Variants in TSPAN3 observed in about 807,000 individuals in gnomAD.
The protein encoded by TSPAN3 is tetraspanin-3.
In TSPAN3, 9 loss-of-function variants were observed where a neutral mutation model predicts 31.1. That is an observed-to-expected ratio of 0.29 (90% CI 0.17 to 0.50). The LOEUF is 0.50. Among genes scored for constraint, TSPAN3 ranks in the 20% least tolerant of loss-of-function variants. The pLI is 0.98. For synonymous variants in TSPAN3, 129 were observed against 114.3 expected, an observed-to-expected ratio of 1.13 and a Z score of -0.82; for missense variants, 252 against 313.5, an observed-to-expected ratio of 0.80 and a Z score of 1.48.
chr15:77,055,747 C>T (rs767020436), intron 3 of TSPAN3, 42 bp downstream of exon 3: 1 of 1,492,354 alleles, frequency 6.7e-7, no homozygotes, highest in African/African-American at 1.4e-5. Flanking sequence ...AACACTTAAA[C>T]CACCTTTTAA....
intron 6 of TSPAN3, among the ~76,000 whole-genome samples, chr15:77,049,978 C>G (rs2076719402): frequency 6.6e-6 from 1 of 152,138 alleles, no homozygotes; most frequent in Non-Finnish European, 1.5e-5. Context: ...CTAGAGTTGA[C>G]ACTCTGTGTG....
chr15:77,063,994 T>G (rs545918374), intron 1 of TSPAN3: 40 of 152,334 alleles, frequency 2.6e-4, no homozygotes, highest in African/African-American at 9.6e-4. Flanking sequence ...CTAGAGTTCA[T>G]CCACACTTGG....
chr15:77,067,335 T>C (rs937254380), intron 1 of TSPAN3, among the ~76,000 whole-genome samples: 1 of 152,234 alleles, frequency 6.6e-6, no homozygotes, highest in Admixed American at 6.5e-5. Context: ...GTAACGATTT[T>C]AGCTGTCAGA....
At chr15:77,060,039 G>A (rs930896175) in intron 1 of TSPAN3, among the ~76,000 whole-genome samples, 1 of 152,232 alleles carries the variant, frequency 6.6e-6, no homozygotes, top group African/African-American at 2.4e-5. Context: ...ATGGAGGGCT[G>A]TGGGGAGATG....
chr15:77,052,280 T>C (rs1169216866), intron 6 of TSPAN3, 105 bp downstream of exon 6: 2 of 963,990 alleles, frequency 2.1e-6, no homozygotes, highest in Non-Finnish European at 3.3e-6. Flanking sequence ...ACTTCCACAT[T>C]ACCTACATAC....
chr15:77,050,056 G>A (rs1017084256), intron 6 of TSPAN3, among the ~76,000 whole-genome samples: 12 of 152,204 alleles, frequency 7.9e-5, no homozygotes, highest in Admixed American at 6.5e-4. Context: ...CAAGACTGGA[G>A]ACTCTCCAAC....
At chr15:77,062,430 G>T (rs1426719281) in intron 1 of TSPAN3, among the ~76,000 whole-genome samples, 1 of 152,086 alleles carries the variant, frequency 6.6e-6, no homozygotes, top group Non-Finnish European at 1.5e-5. Flanking sequence ...AGGAAAAAAG[G>T]CCATTCCAAA....
At chr15:77,066,385 T>C (rs2076833023) in intron 1 of TSPAN3, among the ~76,000 whole-genome samples, 1 of 151,676 alleles carries the variant, frequency 6.6e-6, no homozygotes, top group South Asian at 2.1e-4. Context: ...GCCTGGCCAA[T>C]ATGGTGAAAC....
At chr15:77,056,030 A>G in intron 2 of TSPAN3, 34 bp downstream of exon 2, 1 of 1,573,292 alleles carries the variant, frequency 6.4e-7, no homozygotes, top group Non-Finnish European at 8.6e-7. Flanking sequence ...AGCATAGACT[A>G]AATACTCCTG....
At chr15:77,048,155 ATTAT>A (rs1331009585) in intron 6 of TSPAN3, among the ~76,000 whole-genome samples, 7 of 152,242 alleles carry the variant, frequency 4.6e-5, no homozygotes, top group Non-Finnish European at 8.8e-5. Flanking sequence ...AGAGGTGAAT[ATTAT>A]TTAAAGTTTA....
chr15:77,066,571 C>CAAAAAAAAAAAAAAAAAAAA (rs35737479), intron 1 of TSPAN3, among the ~76,000 whole-genome samples: 2 of 59,354 alleles, frequency 3.4e-5, no homozygotes, highest in African/African-American at 1.5e-4. Context: ...GACTTCGTCT[C>CAAAAAAAAAAAAAAAAAAAA]AAAAAAAAAA....
In TSPAN3 at chr15:77,071,025, C is replaced by A; in HGVS notation, c.-71G>T. ...CTCACCGAGAGAGCGGCAATGGCGG[C>A]GGCGCCTCCTCGCTAGGAACTGCAC... On this transcript the variant is annotated 5_prime_UTR_variant, in exon 1 of 7. Coordinates refer to ENST00000267970, the MANE Select transcript of TSPAN3 (RefSeq NM_005724.6). The A allele has an allele frequency of 1.7e-6, 2 of 1,167,104 alleles. No homozygotes were observed. Among genetic ancestry groups the A allele is most frequent in the Non-Finnish European group, 2.2e-6 (2 of 896,274 alleles). The allele number at this position is 1,167,104 out of a possible 1,614,324, so 72.3% of individuals were successfully genotyped here.
Position 77,070,960 on chromosome 15 carries a change from C to T in TSPAN3, c.-6G>A, listed in dbSNP as rs1441186817. On this transcript the variant is annotated 5_prime_UTR_variant, in exon 1 of 7. Coordinates refer to ENST00000267970, the MANE Select transcript of TSPAN3 (RefSeq NM_005724.6). The stretch of plus-strand genomic sequence containing the variant: ...GTGATGCCGCACTGGCCCATGGCGC[C>T]GGTGGCCCGCGAAGGCCCGGCCCGG... 3 of 1,430,156 alleles carry T rather than the reference C, an allele frequency of 2.1e-6. No homozygotes were observed. Among genetic ancestry groups the T allele is most frequent in the African/African-American group, 1.5e-5 (1 of 66,582 alleles). 88.6% of individuals were successfully genotyped at this position (1,430,156 alleles called of 1,614,324 possible).
Position 77,046,385 on chromosome 15 carries a change from T to C in TSPAN3, c.*450A>G, listed in dbSNP as rs2076691090. The C allele has an allele frequency of 7.4e-6, 3 of 402,730 alleles. No individual in the cohort carries two copies. The highest frequency in any genetic ancestry group is 1.3e-5 in the Non-Finnish European group (3 of 228,128). 24.9% of individuals were successfully genotyped at this position (402,730 alleles called of 1,614,324 possible). A position where few individuals can be genotyped will look rare whatever the true frequency, so the allele number is the denominator to read the frequency against. On this transcript the variant is annotated 3_prime_UTR_variant, in exon 7 of 7. Coordinates refer to ENST00000267970, the MANE Select transcript of TSPAN3 (RefSeq NM_005724.6). ...TAAATATTTTTTAAAAGGACACCAA[T>C]GAGGGGCACCATCTGGTGTTAACCT...
intron 1 of TSPAN3, among the ~76,000 whole-genome samples, chr15:77,056,459 C>T (rs1018485789): frequency 3.3e-5 from 5 of 151,748 alleles, no homozygotes; most frequent in Admixed American, 6.6e-5. Flanking sequence ...CTACTTTTCA[C>T]GAATTGATGG....
chr15:77,046,873 C>A lies in TSPAN3; in HGVS notation c.724G>T (p.Ala242Ser). The change falls in exon 7 of 7, where the codon GCT becomes TCT. Residue 242 changes from alanine to serine, a missense_variant. By Grantham distance (99) the Ala-to-Ser change is moderately conservative (BLOSUM62 1). Coordinates refer to ENST00000267970, the MANE Select transcript of TSPAN3 (RefSeq NM_005724.6). ...CCGCCAGTGATGAGGAGCTCGTAAG[C>A]AGGATCTCTACTCCTTCTGCACAAC... The part of the protein sequence containing the change: ...IVLCRRSRDP[A>S]YELLITGGTY... 6.3e-7 allele frequency: 1 copy of A among 1,594,618 alleles called. No individual in the cohort carries two copies. Among genetic ancestry groups the A allele is most frequent in the Admixed American group, 1.7e-5 (1 of 58,506 alleles).
intron 4 of TSPAN3, among the ~76,000 whole-genome samples, chr15:77,053,137 C>A (rs879579381): frequency 8.6e-5 from 13 of 151,950 alleles, no homozygotes; most frequent in Non-Finnish European, 1.9e-4. Flanking sequence ...GACTAGAAAA[C>A]TGCATTTTAA....
intron 1 of TSPAN3, chr15:77,067,651 G>T (rs1003134181): frequency 2.0e-5 from 3 of 152,004 alleles, no homozygotes; most frequent in African/African-American, 7.2e-5. Context: ...AGGAGGGAGG[G>T]GCCAGCATAT....
At chr15:77,052,950 T>C in intron 4 of TSPAN3, 21 bp from the exon 5 acceptor site, 1 of 1,602,776 alleles carries the variant, frequency 6.2e-7, no homozygotes, top group Non-Finnish European at 8.5e-7. Flanking sequence ...AGAGAATAAG[T>C]ATTATTTCTC....
Sources: allele counts gnomAD v4.1 joint callset (sites outside exome capture counted in the v4.1 genomes callset), GRCh38; gene constraint gnomAD v4.1.1; transcripts MANE v1.5; gene names NCBI Gene and HGNC (gene_info 2026-07-23, HGNC 2026-07-21).